The following ERICH6B variants were observed in gnomAD, a reference collection of about 807,000 sequenced individuals.
The protein encoded by ERICH6B is glutamate-rich protein 6B.
In ERICH6B, 69 loss-of-function variants were observed where a neutral mutation model predicts 80.0. The observed-to-expected ratio is 0.86, with a 90% confidence interval of 0.71 to 1.05. ERICH6B has a LOEUF of 1.05. Ranked by LOEUF, ERICH6B falls within the 50% of genes least tolerant of loss-of-function variation. ERICH6B has a pLI of 0.00. For missense variants in ERICH6B, 754 were observed against 796.1 expected (o/e 0.95, Z 0.64); for synonymous variants, 283 against 291.9 (o/e 0.97, Z 0.31).
chr13:45,583,769 T>C (rs770482168), intron 5 of ERICH6B, among the ~76,000 whole-genome samples: 1 of 152,212 alleles, frequency 6.6e-6, no homozygotes, highest in Non-Finnish European at 1.5e-5. Context: ...CCTGCTGCCA[T>C]GTAAGATGTG....
chr13:45,604,652 TGGGA>T (rs1326256604), intron 2 of ERICH6B, among the ~76,000 whole-genome samples: 1 of 151,632 alleles, frequency 6.6e-6, no homozygotes, highest in East Asian at 1.9e-4. Flanking sequence ...AGTCCAAAGG[TGGGA>T]GGAAGAAAAT....
At chr13:45,586,928 G>A in intron 5 of ERICH6B, 135 bp downstream of exon 5, 6 of 985,674 alleles carry the variant, frequency 6.1e-6, no homozygotes, top group Non-Finnish European at 8.7e-6. Context: ...GACCTCAGAG[G>A]GCAACAGAAA....
At chr13:45,549,213 G>A (rs1345026677) in intron 13 of ERICH6B, among the ~76,000 whole-genome samples, 1 of 151,936 alleles carries the variant, frequency 6.6e-6, no homozygotes, top group Non-Finnish European at 1.5e-5. Context: ...GAACCGGGGA[G>A]GCAGAGGTTG....
chr13:45,614,597 A>T (rs1949917416), intron 1 of ERICH6B, among the ~76,000 whole-genome samples: 1 of 152,194 alleles, frequency 6.6e-6, no homozygotes, highest in Admixed American at 6.5e-5. Context: ...GCAAGCTGGG[A>T]GCTGGTGAAG....
At chr13:45,588,604 G>A (rs1457221701) in intron 4 of ERICH6B, among the ~76,000 whole-genome samples, 1 of 152,238 alleles carries the variant, frequency 6.6e-6, no homozygotes, top group African/African-American at 2.4e-5. Context: ...CCACAGAGAT[G>A]ATGCCAGTCC....
At chr13:45,609,960 C>T (rs1310754799) in intron 1 of ERICH6B, among the ~76,000 whole-genome samples, 3 of 152,180 alleles carry the variant, frequency 2.0e-5, no homozygotes, top group Admixed American at 2.0e-4. Flanking sequence ...GGGCTTAGGC[C>T]AACTAACTTT....
At chr13:45,583,464 C>T (rs1243235182) in intron 5 of ERICH6B, among the ~76,000 whole-genome samples, 1 of 152,184 alleles carries the variant, frequency 6.6e-6, no homozygotes, top group Non-Finnish European at 1.5e-5. Flanking sequence ...TTTTTAACCT[C>T]TGCATGTGAT....
At chr13:45,569,249 C>A (rs1875051322) in intron 8 of ERICH6B, among the ~76,000 whole-genome samples, 1 of 152,176 alleles carries the variant, frequency 6.6e-6, no homozygotes, top group Non-Finnish European at 1.5e-5. Context: ...CCTCAGCCTC[C>A]TGAGTAGCTG....
intron 13 of ERICH6B, among the ~76,000 whole-genome samples, chr13:45,546,692 T>A (rs1326623367): frequency 6.6e-6 from 1 of 152,166 alleles, no homozygotes; most frequent in Non-Finnish European, 1.5e-5. Context: ...AATCACCTTG[T>A]ACAGACAAAC....
At chr13:45,557,388 T>G (rs184632151) in intron 11 of ERICH6B, among the ~76,000 whole-genome samples, 3 of 152,342 alleles carry the variant, frequency 2.0e-5, no homozygotes, top group African/African-American at 7.2e-5. Flanking sequence ...GTTGTCCTTT[T>G]ACTCTGCTGA....
chr13:45,593,536 G>T (rs1876239892), intron 3 of ERICH6B, among the ~76,000 whole-genome samples: 1 of 152,116 alleles, frequency 6.6e-6, no homozygotes. Context: ...TATGAGGTAG[G>T]TCTAATGCTG....
At chr13:45,572,433 T>C (rs1192394647) in intron 8 of ERICH6B, among the ~76,000 whole-genome samples, 2 of 152,192 alleles carry the variant, frequency 1.3e-5, no homozygotes, top group Non-Finnish European at 2.9e-5. Flanking sequence ...TCAGTATTGT[T>C]GGGGGCTTTG....
At chr13:45,554,248 T>C (rs977960216) in intron 11 of ERICH6B, among the ~76,000 whole-genome samples, 1 of 152,208 alleles carries the variant, frequency 6.6e-6, no homozygotes, top group Non-Finnish European at 1.5e-5. Flanking sequence ...TTCTTTCACT[T>C]AGCATAATCC....
At chr13:45,606,933 C>T (rs960619683) in intron 2 of ERICH6B, among the ~76,000 whole-genome samples, 1 of 152,030 alleles carries the variant, frequency 6.6e-6, no homozygotes, top group African/African-American at 2.4e-5. Context: ...CTAGAAGATC[C>T]GTAGGTTCCT....
At chr13:45,572,859 C>T (rs756468416) in intron 8 of ERICH6B, among the ~76,000 whole-genome samples, 21 of 152,046 alleles carry the variant, frequency 1.4e-4, no homozygotes, top group Non-Finnish European at 2.4e-4. Flanking sequence ...GTGAAAATGC[C>T]CGGCACCTTT....
intron 11 of ERICH6B, 106 bp from the exon 12 acceptor site, chr13:45,550,422 C>T (rs1408286522): frequency 7.2e-6 from 6 of 836,242 alleles, no homozygotes; most frequent in East Asian, 2.7e-5. Flanking sequence ...TCCGATGCCA[C>T]GTGCTACCTC....
rs762511635 is a variant in ERICH6B at position 45,541,562 on chromosome 13, T to C, written c.1991A>G (p.Tyr664Cys). Residue 664 changes from tyrosine (Y) to cysteine (C), a missense_variant, in exon 15 of 15, where the codon TAC (tyrosine) becomes TGC (cysteine). Tyr to Cys is a radical substitution (Grantham distance 194). Transcript: ENST00000298738. Reference sequence around the variant, plus strand: ...GTTTTCCAGATCAGGGGTGGTCGCGTAATTCAGGAGCCTATTCATTTTCCC... The same window carrying C: ...GTTTTCCAGATCAGGGGTGGTCGCGCAATTCAGGAGCCTATTCATTTTCCC... ...LLGKMNRLLN[Y>C]ATTPDLENFI... is the part of the protein sequence containing the mutation. The C allele has an allele frequency of 2.6e-6, 4 of 1,552,036 alleles. No individual in the cohort carries two copies. In the South Asian group the frequency reaches 4.8e-5, roughly 18 times the overall value.
At chr13:45,561,318 CA>C (rs1333045664) in intron 11 of ERICH6B, 50 bp downstream of exon 11, 37 of 1,528,122 alleles carry the variant, frequency 2.4e-5, no homozygotes, top group Admixed American at 4.1e-5. Flanking sequence ...TCACCAGAGC[CA>C]AAAAAAATCC....
In ERICH6B at chr13:45,544,911, A is replaced by G. The variant is rs1873932954; in HGVS notation, c.1721T>C (p.Leu574Pro). ...AGGGGGTGCGTGGACATGGATGTTC[A>G]GATTCCACCAGTTCCAGGCCTTCTG... ...KRQKAWNWWN[L>P]NIHVHAPPVQ... Residue 574 changes from leucine to proline, a missense_variant, in exon 14 of 15, where the codon CTG becomes CCG. Leu to Pro is a moderately conservative substitution (Grantham distance 98). Coordinates refer to ENST00000298738, the MANE Select transcript of ERICH6B (RefSeq NM_182542.3). 1 of 1,551,616 alleles carries G rather than the reference A, an allele frequency of 6.4e-7. No individual in the cohort carries two copies. Among genetic ancestry groups the G allele is most frequent in the East Asian group, 2.4e-5 (1 of 40,934 alleles).
Sources: allele counts gnomAD v4.1 joint callset (sites outside exome capture counted in the v4.1 genomes callset), GRCh38; gene constraint gnomAD v4.1.1; transcripts MANE v1.5; gene names NCBI Gene and HGNC (gene_info 2026-07-23, HGNC 2026-07-21).